ABCA6: variants seen among roughly 807,000 people sequenced by gnomAD.
The protein encoded by ABCA6 is ATP-binding cassette sub-family A member 6.
In ABCA6, 164 loss-of-function variants were observed where a neutral mutation model predicts 191.2. That is an observed-to-expected ratio of 0.86 (90% CI 0.76 to 0.98). ABCA6 has a LOEUF of 0.98. Ranked by LOEUF, ABCA6 falls within the 50% of genes least tolerant of loss-of-function variation. The pLI is 0.00. For synonymous variants in ABCA6, 636 were observed against 647.7 expected (o/e 0.98, Z 0.27); for missense variants, 1,958 against 1,894.1 (o/e 1.03, Z -0.63).
At chr17:69,101,644 T>C (rs1395166027) in intron 21 of ABCA6, among the ~76,000 whole-genome samples, 2 of 151,688 alleles carry the variant, frequency 1.3e-5, no homozygotes, top group Non-Finnish European at 2.9e-5. Context: ...GCTGGCCTTC[T>C]GGATAGGAGA....
At position 69,081,157 on chromosome 17, in the gene ABCA6, A is replaced by G. The variant is rs373097682; in HGVS notation, c.4617-12T>C. The G allele has an allele frequency of 3.1e-5, 47 of 1,535,202 alleles. No homozygotes were observed. The African/African-American group carries it at 5.2e-4, about 17-fold the overall frequency. On this transcript the variant is annotated splice_polypyrimidine_tract_variant and intron_variant, in intron 36 of 38. Transcript: ENST00000284425. Reference sequence around the variant, plus strand: ...ACAAAGAGGAATACCTGAAAACAGGAAGATGTCGTTTTCAGCTCTGAGTTT... The same window carrying G: ...ACAAAGAGGAATACCTGAAAACAGGGAGATGTCGTTTTCAGCTCTGAGTTT...
intron 5 of ABCA6, among the ~76,000 whole-genome samples, chr17:69,134,357 T>C (rs2144718077): frequency 6.6e-6 from 1 of 152,254 alleles, no homozygotes; most frequent in Non-Finnish European, 1.5e-5. Flanking sequence ...TAGAGGGAAC[T>C]AGCTGAGGCA....
At chr17:69,136,363 T>C in intron 3 of ABCA6, 113 bp from the exon 4 acceptor site, 1 of 909,800 alleles carries the variant, frequency 1.1e-6, no homozygotes, top group Non-Finnish European at 1.5e-6. Flanking sequence ...ATTAAAATCA[T>C]TTTCCATTTA....
chr17:69,114,761 C>A lies in ABCA6; in HGVS notation c.1782+1G>T. 6.2e-7 allele frequency: 1 copy of A among 1,606,044 alleles called. No individual in the cohort carries two copies. Among genetic ancestry groups the A allele is most frequent in the Non-Finnish European group, 8.5e-7 (1 of 1,176,418 alleles). On this transcript the variant is annotated splice_donor_variant, in intron 13 of 38. Transcript: ENST00000284425. LOFTEE classifies it high-confidence loss of function. The stretch of plus-strand genomic sequence containing the variant: ...CAGTTAATCCAAGCATGCCCTCCTA[C>A]CTCTTGTTCCACTTCCTTTAGATGA...
rs1598442712 is a variant in ABCA6, at chr17:69,086,560, G to C, written c.3937+58C>G. The C allele has an allele frequency of 4.5e-5, 49 of 1,086,904 alleles. No homozygotes were observed. The East Asian group carries it at 6.8e-4, about 15-fold the overall frequency. 67.3% of individuals were successfully genotyped at this position (1,086,904 alleles called of 1,614,324 possible). ...CGAGTAAAACTGTGCCTATGACATA[G>C]ATGTTCGGTAGGTAGTTCTAAAAGT... On this transcript the variant is annotated intron_variant, in intron 30 of 38. Coordinates refer to ENST00000284425, the MANE Select transcript of ABCA6 (RefSeq NM_080284.3).
rs1007717970 is a variant in ABCA6, at chr17:69,112,426, A to G, written c.2042-153T>C. ...GTGTGCATTTTAACATTTGAAATAC[A>G]TATTAAAATTGATGCATTTAAAATG... is the stretch of plus-strand genomic sequence containing the variant. On this transcript the variant is annotated intron_variant, in intron 15 of 38. Coordinates refer to ENST00000284425, the MANE Select transcript of ABCA6 (RefSeq NM_080284.3). The G allele has an allele frequency of 2.6e-5, 15 of 569,880 alleles. No homozygotes were observed. In the South Asian group the frequency reaches 3.5e-4, roughly 13 times the overall value. 35.3% of individuals were successfully genotyped at this position (569,880 alleles called of 1,614,324 possible).
intron 11 of ABCA6, 53 bp from the exon 12 acceptor site, chr17:69,115,539 A>G: frequency 7.3e-7 from 1 of 1,364,892 alleles, no homozygotes; most frequent in South Asian, 1.3e-5. Flanking sequence ...ACAGAAAGGC[A>G]TTAGACAGGC....
In ABCA6 at chr17:69,085,191, A is replaced by G. The variant is rs777131702; in HGVS notation, c.4030-9T>C. 3 of 1,601,564 alleles carry G rather than the reference A, an allele frequency of 1.9e-6. No homozygotes were observed. The highest frequency in any genetic ancestry group is 2.6e-6 in the Non-Finnish European group (3 of 1,174,070). On this transcript the variant is annotated splice_polypyrimidine_tract_variant and intron_variant, in intron 31 of 38. Coordinates refer to ENST00000284425, the MANE Select transcript of ABCA6 (RefSeq NM_080284.3). Reference sequence around the variant, plus strand: ...CAGCCTTTCAGTTCCACCTAAAAAAATAAAAGAGCTTTAGAAAGGCATGCA... The same window carrying G: ...CAGCCTTTCAGTTCCACCTAAAAAAGTAAAAGAGCTTTAGAAAGGCATGCA...
At chr17:69,081,013 T>C in intron 37 of ABCA6, 53 bp downstream of exon 37, 1 of 1,107,764 alleles carries the variant, frequency 9.0e-7, no homozygotes. Context: ...TAAATTATTA[T>C]TTTAGTATTA....
At chr17:69,102,716 C>T in intron 21 of ABCA6, 119 bp downstream of exon 21, 2 of 919,850 alleles carry the variant, frequency 2.2e-6, no homozygotes, top group Non-Finnish European at 1.6e-6. Flanking sequence ...TATTAAATAA[C>T]AACCCAGAAT....
At position 69,124,993 on chromosome 17, in the gene ABCA6, C is replaced by G; in HGVS notation, c.1162G>C (p.Asp388His). 6.7e-7 allele frequency: 1 copy of G among 1,501,756 alleles called. No homozygotes were observed. Among genetic ancestry groups the G allele is most frequent in the South Asian group, 1.4e-5 (1 of 70,918 alleles). The allele number at this position is 1,501,756 out of a possible 1,614,324, so 93.0% of individuals were successfully genotyped here. ...ATTGTATATGAGTCTCCTGAAGGGT[C>G]AGGAAAAATTACACCATTCAAGTTA... The part of the protein sequence containing the change: ...DYNLNGVIFP[D>H]PSGDSYTMIA... The change falls in exon 9 of 39, where the codon GAC (aspartate) becomes CAC (histidine). Residue 388 changes from aspartate to histidine, a missense_variant. Coordinates refer to ENST00000284425, the MANE Select transcript of ABCA6 (RefSeq NM_080284.3).
intron 17 of ABCA6, chr17:69,109,101 C>A (rs2073366035): frequency 6.6e-6 from 1 of 152,046 alleles, no homozygotes; most frequent in Admixed American, 6.6e-5. Flanking sequence ...GGGAGTGAAG[C>A]TAAAATCTGG....
At chr17:69,105,249 A>AC (rs2073270353) in intron 20 of ABCA6, 11 of 534,498 alleles carry the variant, frequency 2.1e-5, no homozygotes. Flanking sequence ...TCCAGGTTAT[A>AC]CAGTGACCCA....
At chr17:69,094,623 G>T in intron 25 of ABCA6, 1 of 167,144 alleles carries the variant, frequency 6.0e-6, no homozygotes, top group South Asian at 1.7e-4. Flanking sequence ...CAAGGGCTGA[G>T]GTATGTTTCT....
chr17:69,140,587 G>A (rs1436723182), intron 2 of ABCA6, 21 bp downstream of exon 2: 1 of 1,543,336 alleles, frequency 6.5e-7, no homozygotes, highest in Non-Finnish European at 8.8e-7. Context: ...ACCGTGGAAA[G>A]AGACAAATTT....
At chr17:69,128,857 G>A (rs2073806876) in intron 7 of ABCA6, 53 bp from the exon 8 acceptor site, 2 of 1,393,980 alleles carry the variant, frequency 1.4e-6, no homozygotes, top group Non-Finnish European at 1.9e-6. Context: ...AGCTCACTGA[G>A]AATCATTGGC....
chr17:69,080,926 A>G (rs1308337799), intron 37 of ABCA6, 140 bp downstream of exon 37: 2 of 508,156 alleles, frequency 3.9e-6, no homozygotes, highest in Non-Finnish European at 6.9e-6. Context: ...AAATCTCACC[A>G]TTACCTACAG....
chr17:69,130,390 C>A (rs1438960447), intron 6 of ABCA6, among the ~76,000 whole-genome samples: 1 of 151,620 alleles, frequency 6.6e-6, no homozygotes, highest in Admixed American at 6.6e-5. Flanking sequence ...TCGTTGGTAC[C>A]TACGTGTTAG....
At chr17:69,081,910 G>GT (rs1000377231) in intron 36 of ABCA6, among the ~76,000 whole-genome samples, 3 of 152,196 alleles carry the variant, frequency 2.0e-5, no homozygotes, top group Non-Finnish European at 1.5e-5. Context: ...AGGAAGAGAC[G>GT]TAATTGATTT....
Sources: allele counts gnomAD v4.1 joint callset (sites outside exome capture counted in the v4.1 genomes callset), GRCh38; gene constraint gnomAD v4.1.1; transcripts MANE v1.5; gene names NCBI Gene and HGNC (gene_info 2026-07-23, HGNC 2026-07-21).